MYO3B: variants seen among roughly 807,000 people sequenced by gnomAD.
MYO3B encodes the protein myosin-IIIb.
MYO3B carries 156 observed loss-of-function variants against 174.6 expected under a neutral mutation model. That is an observed-to-expected ratio of 0.89 (90% confidence interval 0.78 to 1.02). The LOEUF is 1.02. MYO3B is among the 50% of genes least tolerant of loss of function. The pLI, the probability that MYO3B is intolerant of heterozygous loss-of-function variation, is 0.00. For missense variants in MYO3B, 1,632 were observed against 1,639.4 expected, an observed-to-expected ratio of 1.00 and a Z score of 0.08; for synonymous variants, 563 against 569.1, an observed-to-expected ratio of 0.99 and a Z score of 0.15.
At chr2:170,401,005 C>G (rs2094472642) in intron 17 of MYO3B, among the ~76,000 whole-genome samples, 1 of 152,042 alleles carries the variant, frequency 6.6e-6, no homozygotes, top group African/African-American at 2.4e-5. Flanking sequence ...ACTAAATCAG[C>G]ATATACAGGA....
chr2:170,252,857 G>C (rs959388017), intron 7 of MYO3B, among the ~76,000 whole-genome samples: 2 of 152,166 alleles, frequency 1.3e-5, no homozygotes, highest in Admixed American at 6.5e-5. Context: ...AGGTGGGAAT[G>C]AGGTGGGAAC....
intron 25 of MYO3B, among the ~76,000 whole-genome samples, chr2:170,491,979 G>C (rs1686513515): frequency 1.3e-5 from 2 of 152,006 alleles, no homozygotes; most frequent in African/African-American, 2.4e-5. Flanking sequence ...ACTTGAACCT[G>C]GGAGGCAGAG....
At chr2:170,585,078 G>A (rs2106311805) in intron 32 of MYO3B, among the ~76,000 whole-genome samples, 1 of 152,346 alleles carries the variant, frequency 6.6e-6, no homozygotes, top group South Asian at 2.1e-4. Context: ...CACCTCCAGA[G>A]ATTCTGATGT....
At chr2:170,420,239 G>A (rs1460692963) in intron 22 of MYO3B, among the ~76,000 whole-genome samples, 2 of 151,978 alleles carry the variant, frequency 1.3e-5, no homozygotes, top group African/African-American at 4.8e-5. Flanking sequence ...AACAAAACAA[G>A]AATGAATTAT....
At chr2:170,357,605 CTTTA>C (rs2094132210) in intron 8 of MYO3B, among the ~76,000 whole-genome samples, 1 of 151,356 alleles carries the variant, frequency 6.6e-6, no homozygotes, top group Admixed American at 6.6e-5. Context: ...TCACATATAC[CTTTA>C]TTTATTTAAG....
At chr2:170,511,068 T>G (rs552551540) in intron 28 of MYO3B, among the ~76,000 whole-genome samples, 164 of 151,568 alleles carry the variant, frequency 1.1e-3, no homozygotes, top group African/African-American at 3.8e-3. Flanking sequence ...TTTGTTTTTT[T>G]TTTTTTTTTG....
chr2:170,464,868 A>AT (rs368761110), intron 24 of MYO3B, among the ~76,000 whole-genome samples: 183 of 148,254 alleles, frequency 1.2e-3, no homozygotes, highest in African/African-American at 4.0e-3. Flanking sequence ...AGACTGGATA[A>AT]TTTTTTTTTT....
intron 7 of MYO3B, among the ~76,000 whole-genome samples, chr2:170,325,173 C>T (rs1307191075): frequency 1.3e-5 from 2 of 151,964 alleles, no homozygotes; most frequent in Non-Finnish European, 2.9e-5. Context: ...GTATCTAATC[C>T]GCTGTTACAA....
chr2:170,245,220 T>G (rs1412528080), intron 7 of MYO3B, among the ~76,000 whole-genome samples: 1 of 152,154 alleles, frequency 6.6e-6, no homozygotes, highest in Non-Finnish European at 1.5e-5. Flanking sequence ...CCACAATGTC[T>G]TAGTCGTTAA....
intron 22 of MYO3B, among the ~76,000 whole-genome samples, chr2:170,412,831 C>T (rs1390136994): frequency 1.3e-5 from 2 of 152,208 alleles, no homozygotes; most frequent in Non-Finnish European, 2.9e-5. Flanking sequence ...AGTGCTGGCT[C>T]TTCCTGAAAT....
intron 32 of MYO3B, 83 bp downstream of exon 32, chr2:170,544,071 C>A (rs1690312101): frequency 9.2e-7 from 1 of 1,090,438 alleles, no homozygotes; most frequent in Admixed American, 2.1e-5. Context: ...GGGCAGGACT[C>A]AATTAGATAG....
At chr2:170,410,051 G>A (rs6433200) in intron 22 of MYO3B, among the ~76,000 whole-genome samples, 130,937 of 152,220 alleles carry the variant, frequency 0.86, 56,733 homozygotes, top group Middle Eastern at 0.95. Context: ...ACATCTTGAT[G>A]TTCCCACTAG....
intron 7 of MYO3B, among the ~76,000 whole-genome samples, chr2:170,318,432 A>G (rs967091217): frequency 1.3e-5 from 2 of 152,192 alleles, no homozygotes; most frequent in African/African-American, 4.8e-5. Flanking sequence ...CAGATCCAGG[A>G]CTAGGAATTG....
chr2:170,502,764 G>A (rs966395986), intron 28 of MYO3B, among the ~76,000 whole-genome samples: 6 of 152,162 alleles, frequency 3.9e-5, no homozygotes, highest in Non-Finnish European at 8.8e-5. Context: ...AGAGTGATAG[G>A]ATTTCACATA....
At chr2:170,378,039 T>G (rs1474532138) in intron 9 of MYO3B, among the ~76,000 whole-genome samples, 1 of 151,706 alleles carries the variant, frequency 6.6e-6, no homozygotes, top group Non-Finnish European at 1.5e-5. Flanking sequence ...AATTAAGATC[T>G]ATAGTTACTA....
At position 170,452,087 on chromosome 2, in the gene MYO3B, T is replaced by A. The variant is rs184109488; in HGVS notation, c.2730+8041T>A. 1.0e-3 allele frequency among the ~76,000 whole-genome samples: 153 copies of A among 152,138 alleles called. 2 individuals carry two copies. Among genetic ancestry groups the A allele is most frequent in the African/African-American group, 3.4e-3 (140 of 41,482 alleles). Reference sequence around the variant, plus strand: ...CAAGCATGCTTCTCTAATCCAAGCATGCAAAGAGCCAAGTATCCCTCCATA... The same window carrying A: ...CAAGCATGCTTCTCTAATCCAAGCAAGCAAAGAGCCAAGTATCCCTCCATA... On this transcript the variant is annotated intron_variant, in intron 23 of 34. Transcript: ENST00000408978.
intron 7 of MYO3B, among the ~76,000 whole-genome samples, chr2:170,262,412 C>T (rs750165998): frequency 5.9e-5 from 9 of 152,110 alleles, no homozygotes; most frequent in Non-Finnish European, 1.2e-4. Flanking sequence ...GCTTTGAGAA[C>T]AGTGACAAGA....
Position 170,638,421 on chromosome 2 carries a change from G to A in MYO3B, c.3734-13207G>A, listed in dbSNP as rs533687065. 4.5e-4 allele frequency among the ~76,000 whole-genome samples: 68 copies of A among 152,286 alleles called. No individual in the cohort carries two copies. The South Asian group carries it at 8.3e-3, about 19-fold the overall frequency. On this transcript the variant is annotated intron_variant, in intron 32 of 34. Transcript: ENST00000408978. ...TGAATCATGTTAGAATGAAATTCTG[G>A]TGTATTTATGGAGAACTTTTTCCTT...
At chr2:170,426,271 C>T (rs1037052944) in intron 22 of MYO3B, among the ~76,000 whole-genome samples, 2 of 150,620 alleles carry the variant, frequency 1.3e-5, no homozygotes, top group Non-Finnish European at 3.0e-5. Context: ...CCCAGGAGTT[C>T]GAGACTGCAG....
Sources: gnomAD v4.1 joint callset for allele counts (sites outside exome capture counted in the v4.1 genomes callset) on GRCh38, gnomAD v4.1.1 for gene constraint, MANE v1.5 for transcripts, NCBI Gene and HGNC (gene_info 2026-07-23, HGNC 2026-07-21) for gene names.